LYPLAL1: variants seen among roughly 807,000 people sequenced by gnomAD.
LYPLAL1 encodes lysophospholipase like 1.
LYPLAL1 carries 23 observed loss-of-function variants against 19.7 expected under a neutral mutation model. The ratio of observed to expected loss-of-function variants is 1.17; its 90% CI spans 0.84 to 1.65. The LOEUF is 1.65. Ranked by LOEUF, LYPLAL1 falls within the 40% of genes most tolerant of loss-of-function variation. LYPLAL1 has a pLI of 0.00. For missense variants in LYPLAL1, 355 were observed against 279.4 expected (o/e 1.27, Z -1.93); for synonymous variants, 119 against 96.3 (o/e 1.24, Z -1.38).
At chr1:219,301,291 T>C in the LYPLAL1 span, among the ~76,000 whole-genome samples, 5 of 152,270 alleles carry the variant, frequency 3.3e-5, no homozygotes, top group African/African-American at 9.6e-5. Context: ...CACAGTAATC[T>C]AAGAAAACAG....
chr1:219,313,628 G>A, the LYPLAL1 span, among the ~76,000 whole-genome samples: 40 of 151,780 alleles, frequency 2.6e-4, 1 homozygote, highest in Non-Finnish European at 1.8e-4. Flanking sequence ...ACATACTTCC[G>A]GGTTCATGTG....
At chr1:219,179,575 A>G (rs529966874) in intron 2 of LYPLAL1, 114 of 208,338 alleles carry the variant, frequency 5.5e-4, no homozygotes, top group South Asian at 1.5e-3. Flanking sequence ...CCAAAAGGAA[A>G]CTTAATAACT....
At chr1:219,327,334 G>A in the LYPLAL1 span, among the ~76,000 whole-genome samples, 4 of 152,096 alleles carry the variant, frequency 2.6e-5, no homozygotes, top group Non-Finnish European at 5.9e-5. Flanking sequence ...TATTCTACTG[G>A]CCCAAGCAGT....
chr1:219,395,317 C>T, the LYPLAL1 span, among the ~76,000 whole-genome samples: 1 of 152,142 alleles, frequency 6.6e-6, no homozygotes, highest in Non-Finnish European at 1.5e-5. Flanking sequence ...AATAGCCATT[C>T]TGACTGGTGT....
chr1:219,229,314 A>ATT, the LYPLAL1 span, among the ~76,000 whole-genome samples: 1 of 149,472 alleles, frequency 6.7e-6, no homozygotes, highest in African/African-American at 2.5e-5. Context: ...AGAGAGAGAG[A>ATT]GAGAGAGAGA....
the LYPLAL1 span, among the ~76,000 whole-genome samples, chr1:219,345,515 T>C: frequency 1.4e-3 from 210 of 152,306 alleles, 1 homozygote; most frequent in Middle Eastern, 3.4e-3. Flanking sequence ...CTGTAAGTTA[T>C]AATTAAATAT....
the LYPLAL1 span, among the ~76,000 whole-genome samples, chr1:219,302,946 TTTA>T: frequency 8.9e-4 from 135 of 152,284 alleles, 3 homozygotes; most frequent in East Asian, 0.024. Context: ...GCTGTCATGT[TTTA>T]TTATTATTCT....
chr1:219,210,728 T>C lies in LYPLAL1; in HGVS notation c.477+81T>C, dbSNP rs1658966103. On this transcript the variant is annotated intron_variant, in intron 4 of 4. Coordinates refer to ENST00000366928, the MANE Select transcript of LYPLAL1 (RefSeq NM_138794.5). ...ACTAAAGCAAAATCGGTAATAAAGC[T>C]GTAAAACACACACACAGTTGATGCA... is the stretch of plus-strand genomic sequence containing the variant. 7 of 1,293,152 alleles carry C rather than the reference T, an allele frequency of 5.4e-6. No individual in the cohort carries two copies. In the South Asian group the frequency reaches 9.1e-5, roughly 17 times the overall value. The allele number at this position is 1,293,152 out of a possible 1,614,324, so 80.1% of individuals were successfully genotyped here. A position where few individuals can be genotyped will look rare whatever the true frequency, so the allele number is the denominator to read the frequency against.
the LYPLAL1 span, among the ~76,000 whole-genome samples, chr1:219,400,003 A>AG: frequency 1.3e-5 from 2 of 152,254 alleles, no homozygotes; most frequent in African/African-American, 2.4e-5. Context: ...GTGGTGGTCA[A>AG]GGGGTCTCTT....
At chr1:219,276,373 A>G in the LYPLAL1 span, among the ~76,000 whole-genome samples, 680 of 152,298 alleles carry the variant, frequency 4.5e-3, 2 homozygotes, top group Middle Eastern at 0.02. Flanking sequence ...TTAAAGGAAA[A>G]AAAAAACAGC....
chr1:219,340,523 C>G, the LYPLAL1 span, among the ~76,000 whole-genome samples: 1 of 151,974 alleles, frequency 6.6e-6, no homozygotes, highest in Non-Finnish European at 1.5e-5. Flanking sequence ...AATGCTTATT[C>G]CAGCTCCTTC....
chr1:219,193,339 C>A, intron 3 of LYPLAL1, 88 bp downstream of exon 3: 1 of 1,028,062 alleles, frequency 9.7e-7, no homozygotes, highest in Non-Finnish European at 1.4e-6. Context: ...TATTTAGAAG[C>A]ACTTGTATAT....
the LYPLAL1 span, among the ~76,000 whole-genome samples, chr1:219,342,939 T>A: frequency 6.6e-6 from 1 of 152,196 alleles, no homozygotes; most frequent in Non-Finnish European, 1.5e-5. Flanking sequence ...CTTATTGAAG[T>A]TTAATTAATA....
the LYPLAL1 span, among the ~76,000 whole-genome samples, chr1:219,404,527 T>A: frequency 2.0e-5 from 3 of 152,140 alleles, no homozygotes; most frequent in African/African-American, 7.2e-5. Flanking sequence ...ATAATGTGCA[T>A]AATAGTAAAC....
the LYPLAL1 span, among the ~76,000 whole-genome samples, chr1:219,353,237 C>G: frequency 6.6e-6 from 1 of 152,132 alleles, no homozygotes; most frequent in South Asian, 2.1e-4. Context: ...GATTGGTGCT[C>G]AGAGAGGCTG....
intron 2 of LYPLAL1, among the ~76,000 whole-genome samples, chr1:219,181,560 A>G (rs981740658): frequency 1.3e-5 from 2 of 152,236 alleles, no homozygotes; most frequent in East Asian, 1.9e-4. Flanking sequence ...TTGAGAACAA[A>G]CATAGTTGAC....
the LYPLAL1 span, among the ~76,000 whole-genome samples, chr1:219,238,933 A>C: frequency 2.0e-5 from 3 of 152,222 alleles, no homozygotes; most frequent in Admixed American, 6.5e-5. Context: ...ACTATTTTTA[A>C]AATATGGCAA....
the LYPLAL1 span, among the ~76,000 whole-genome samples, chr1:219,261,029 A>G: frequency 6.6e-6 from 1 of 152,144 alleles, no homozygotes; most frequent in African/African-American, 2.4e-5. Flanking sequence ...AAACCATATC[A>G]AAAGCAATGA....
the LYPLAL1 span, among the ~76,000 whole-genome samples, chr1:219,285,569 A>G: frequency 6.6e-6 from 1 of 152,202 alleles, no homozygotes; most frequent in Non-Finnish European, 1.5e-5. Context: ...TATAGCTACC[A>G]CATGGATGAA....
Sources: gnomAD v4.1 joint callset for allele counts (sites outside exome capture counted in the v4.1 genomes callset) on GRCh38, gnomAD v4.1.1 for gene constraint, MANE v1.5 for transcripts, NCBI Gene and HGNC (gene_info 2026-07-23, HGNC 2026-07-21) for gene names.